Variants in NEGR1 observed in about 807,000 individuals in gnomAD.
NEGR1 encodes neuronal growth regulator 1, also known as IgLON family member 4.
A neutral mutation model predicts 40.9 loss-of-function variants in NEGR1; 10 were observed. The observed-to-expected ratio is 0.24, with a 90% confidence interval of 0.15 to 0.42. The LOEUF (loss-of-function observed/expected upper bound fraction) is 0.42. NEGR1 is among the 10% of genes least tolerant of loss of function. The pLI, the probability that NEGR1 is intolerant of heterozygous loss-of-function variation, is 1.00. For synonymous variants in NEGR1, 185 were observed against 166.8 expected (o/e 1.11, Z -0.84); for missense variants, 352 against 438.9 (o/e 0.80, Z 1.77).
chr1:71,472,981 T>C (rs1646792161), intron 6 of NEGR1, among the ~76,000 whole-genome samples: 1 of 151,898 alleles, frequency 6.6e-6, no homozygotes, highest in Non-Finnish European at 1.5e-5. Context: ...ATGAGAGAAA[T>C]TCAGAGCGAA....
At chr1:71,863,695 C>A (rs1053437970) in intron 2 of NEGR1, among the ~76,000 whole-genome samples, 7 of 152,110 alleles carry the variant, frequency 4.6e-5, no homozygotes, top group African/African-American at 1.7e-4. Flanking sequence ...ACAGTTCCTA[C>A]ACACAGTTAT....
intron 1 of NEGR1, among the ~76,000 whole-genome samples, chr1:72,005,314 T>C: frequency 6.6e-6 from 1 of 152,070 alleles, no homozygotes; most frequent in Admixed American, 6.6e-5. Context: ...AAAAAATAGT[T>C]TAACGCCACG....
intron 3 of NEGR1, among the ~76,000 whole-genome samples, chr1:71,714,628 C>CA (rs1243029838): frequency 6.6e-6 from 1 of 152,182 alleles, no homozygotes; most frequent in Non-Finnish European, 1.5e-5. Flanking sequence ...CTACATACCA[C>CA]ATGCAAGTCT....
intron 3 of NEGR1, among the ~76,000 whole-genome samples, chr1:71,717,934 C>T (rs998028262): frequency 7.2e-5 from 11 of 152,118 alleles, no homozygotes; most frequent in Middle Eastern, 3.2e-3. Context: ...GCACATTCTT[C>T]CCTCATAGCT....
At chr1:72,257,690 G>A (rs896500819) in intron 1 of NEGR1, among the ~76,000 whole-genome samples, 9 of 152,160 alleles carry the variant, frequency 5.9e-5, no homozygotes, top group African/African-American at 2.2e-4. Flanking sequence ...CTGCTTTGGC[G>A]GTACACGTCT....
chr1:72,263,258 C>A (rs1199141936), intron 1 of NEGR1, among the ~76,000 whole-genome samples: 1 of 151,190 alleles, frequency 6.6e-6, no homozygotes, highest in Non-Finnish European at 1.5e-5. Flanking sequence ...ATTAAACAGA[C>A]TCTGCTAATC....
At chr1:71,968,687 T>C (rs1448725346) in intron 1 of NEGR1, among the ~76,000 whole-genome samples, 1 of 152,232 alleles carries the variant, frequency 6.6e-6, no homozygotes, top group South Asian at 2.1e-4. Flanking sequence ...TTCTGAAATG[T>C]AGTTTGCTCC....
intron 1 of NEGR1, among the ~76,000 whole-genome samples, chr1:71,965,155 C>T (rs1243572064): frequency 1.3e-5 from 2 of 152,254 alleles, no homozygotes; most frequent in East Asian, 3.9e-4. Flanking sequence ...GCCATCACCA[C>T]TTTTGCGCTT....
At chr1:71,570,435 T>A (rs1406074017) in intron 6 of NEGR1, among the ~76,000 whole-genome samples, 2 of 152,184 alleles carry the variant, frequency 1.3e-5, no homozygotes, top group African/African-American at 4.8e-5. Context: ...TTAAAAGAAG[T>A]AAAATTATCT....
chr1:71,776,298 C>A lies in NEGR1; in HGVS notation c.410-1G>T. 1.9e-6 allele frequency: 3 copies of A among 1,553,132 alleles called. No individual in the cohort carries two copies. Among genetic ancestry groups the A allele is most frequent in the Non-Finnish European group, 2.6e-6 (3 of 1,144,002 alleles). ...GAGATGTCATATATCTTAGGAGGAA[C>A]TGAAATGACAAAATACGCAGTGATT... On this transcript the variant is annotated splice_acceptor_variant, in intron 2 of 6. Coordinates refer to ENST00000357731, the MANE Select transcript of NEGR1 (RefSeq NM_173808.3). LOFTEE classifies it high-confidence loss of function.
At chr1:72,188,555 A>C (rs2100424512) in intron 1 of NEGR1, among the ~76,000 whole-genome samples, 1 of 151,622 alleles carries the variant, frequency 6.6e-6, no homozygotes, top group African/African-American at 2.4e-5. Flanking sequence ...TATATCTCAG[A>C]TAGTGCTTAT....
intron 1 of NEGR1, among the ~76,000 whole-genome samples, chr1:71,973,499 T>C (rs997962903): frequency 1.3e-5 from 2 of 152,132 alleles, no homozygotes; most frequent in Non-Finnish European, 2.9e-5. Flanking sequence ...AGAAATCTAA[T>C]AGAGATTTTA....
At chr1:71,716,180 A>G (rs570961367) in intron 3 of NEGR1, among the ~76,000 whole-genome samples, 1 of 152,226 alleles carries the variant, frequency 6.6e-6, no homozygotes, top group East Asian at 1.9e-4. Flanking sequence ...ATCAAATCTC[A>G]TGAGAACTCA....
At chr1:71,682,296 A>G (rs905081859) in intron 4 of NEGR1, among the ~76,000 whole-genome samples, 30 of 151,924 alleles carry the variant, frequency 2.0e-4, no homozygotes, top group African/African-American at 7.3e-4. Context: ...AAAATTGCTT[A>G]CTGTTTGCTC....
intron 4 of NEGR1, among the ~76,000 whole-genome samples, chr1:71,654,655 T>C (rs996793857): frequency 4.6e-5 from 7 of 152,144 alleles, no homozygotes; most frequent in African/African-American, 1.7e-4. Flanking sequence ...AGTGATAAGA[T>C]AGAACACAAG....
chr1:72,087,335 G>A (rs1648261387), intron 1 of NEGR1, among the ~76,000 whole-genome samples: 1 of 152,020 alleles, frequency 6.6e-6, no homozygotes, highest in Admixed American at 6.6e-5. Flanking sequence ...AGAGGCTGAG[G>A]CAGGAGAATC....
chr1:71,668,744 G>C (rs1005599907), intron 4 of NEGR1, among the ~76,000 whole-genome samples: 3 of 152,080 alleles, frequency 2.0e-5, no homozygotes, highest in African/African-American at 7.2e-5. Context: ...TTGTGTAGAA[G>C]GGTTGGCATT....
At chr1:72,087,346 G>A (rs1179199281) in intron 1 of NEGR1, among the ~76,000 whole-genome samples, 3 of 151,882 alleles carry the variant, frequency 2.0e-5, no homozygotes, top group Admixed American at 1.3e-4. Context: ...CAGGAGAATC[G>A]CTTGAACCCG....
intron 1 of NEGR1, among the ~76,000 whole-genome samples, chr1:71,974,620 T>G (rs1371779318): frequency 6.6e-6 from 1 of 152,104 alleles, no homozygotes; most frequent in Non-Finnish European, 1.5e-5. Flanking sequence ...ATTTAAAAAT[T>G]TAAGGGCAAG....
Sources: gnomAD v4.1 joint callset for allele counts (sites outside exome capture counted in the v4.1 genomes callset) on GRCh38, gnomAD v4.1.1 for gene constraint, MANE v1.5 for transcripts, NCBI Gene and HGNC (gene_info 2026-07-23, HGNC 2026-07-21) for gene names.